VPS36: variants seen among roughly 807,000 people sequenced by gnomAD.
VPS36 encodes vacuolar protein-sorting-associated protein 36.
Under a neutral mutation model 63.5 loss-of-function variants are expected in VPS36, and 31 were observed. The observed-to-expected ratio is 0.49, with a 90% CI of 0.37 to 0.66. The LOEUF (loss-of-function observed/expected upper bound fraction) is 0.66. VPS36 is among the 30% of genes least tolerant of loss of function. VPS36 has a pLI of 0.00. For missense variants in VPS36, 338 were observed against 463.7 expected, an observed-to-expected ratio of 0.73 and a Z score of 2.49; for synonymous variants, 138 against 157.2, an observed-to-expected ratio of 0.88 and a Z score of 0.91.
chr13:52,432,330 G>A (rs1381029772), intron 6 of VPS36, among the ~76,000 whole-genome samples: 2 of 151,966 alleles, frequency 1.3e-5, no homozygotes, highest in African/African-American at 2.4e-5. Flanking sequence ...CAGCCTGGGC[G>A]ACAGAGCAAG....
intron 1 of VPS36, among the ~76,000 whole-genome samples, chr13:52,444,448 A>C (rs1337966468): frequency 6.7e-6 from 1 of 150,180 alleles, no homozygotes. Flanking sequence ...TGACAGAGCA[A>C]GACTCCGTTT....
Position 52,416,099 on chromosome 13 carries a change from A to G in VPS36, c.991-6T>C. The stretch of plus-strand genomic sequence containing the variant: ...AGGGATCCCTTTTCTGAAACCTAAT[A>G]GAAACACACAGCAGAAAAAAAATGT... On this transcript the variant is annotated splice_polypyrimidine_tract_variant and splice_region_variant and intron_variant, in intron 12 of 13. Transcript: ENST00000378060. The G allele has an allele frequency of 1.2e-6, 2 of 1,611,328 alleles. No homozygotes were observed. The highest frequency in any genetic ancestry group is 1.7e-6 in the Non-Finnish European group (2 of 1,179,200).
intron 5 of VPS36, 95 bp downstream of exon 5, chr13:52,434,698 T>C: frequency 8.2e-7 from 1 of 1,215,010 alleles, no homozygotes; most frequent in Non-Finnish European, 1.2e-6. Flanking sequence ...CAGTATTTTG[T>C]TTTGGGCAAG....
Position 52,413,557 on chromosome 13 carries a change from A to G in VPS36, c.*2273T>C, listed in dbSNP as rs1957966218. On this transcript the variant is annotated 3_prime_UTR_variant, in exon 14 of 14. Coordinates refer to ENST00000378060, the MANE Select transcript of VPS36 (RefSeq NM_016075.4). Reference sequence around the variant, plus strand: ...TTTTACTCTATATACATTGATACCAATCATTTAACCCTGAAAACACAGTCT... The same window carrying G: ...TTTTACTCTATATACATTGATACCAGTCATTTAACCCTGAAAACACAGTCT... The G allele has an allele frequency of 6.6e-6, 1 of 152,238 alleles. No individual in the cohort carries two copies. Among genetic ancestry groups the G allele is most frequent in the African/African-American group, 2.4e-5 (1 of 41,466 alleles). The allele number at this position is 152,238 out of a possible 1,614,324, so 9.4% of individuals were successfully genotyped here.
intron 6 of VPS36, among the ~76,000 whole-genome samples, chr13:52,431,782 AG>A (rs769901655): frequency 8.8e-5 from 13 of 147,888 alleles, no homozygotes; most frequent in South Asian, 4.4e-4. Context: ...AAAAAAAAAA[AG>A]AAAGAAAGAA....
chr13:52,442,404 T>C lies in VPS36; in HGVS notation c.138A>G (p.Arg46=). The change falls in exon 2 of 14, where the codon CGA becomes CGG. Residue 46 remains arginine (R), a synonymous_variant. Coordinates refer to ENST00000378060, the MANE Select transcript of VPS36 (RefSeq NM_016075.4). ...GATTTTTCTGATCTCTCCAAATCAG[T>C]CGGTGTGTACTAAGAAGGAGAGTCC... ...DAGTLLLSTH[R]LIWRDQKNHE... is the part of the protein sequence containing the mutation. 1 of 1,612,462 alleles carries C rather than the reference T, an allele frequency of 6.2e-7. No homozygotes were observed. Among genetic ancestry groups the C allele is most frequent in the East Asian group, 2.2e-5 (1 of 44,844 alleles).
At chr13:52,437,534 A>T (rs1958231397) in intron 3 of VPS36, among the ~76,000 whole-genome samples, 1 of 152,216 alleles carries the variant, frequency 6.6e-6, no homozygotes, top group African/African-American at 2.4e-5. Flanking sequence ...GTATAATCGA[A>T]AAAAGTTTAA....
intron 6 of VPS36, 107 bp from the exon 7 acceptor site, chr13:52,427,326 C>A: frequency 8.0e-7 from 1 of 1,244,026 alleles, no homozygotes. Context: ...AAATTTTCAG[C>A]CGGGCGCAGT....
chr13:52,412,960 A>G lies in VPS36; in HGVS notation c.*2870T>C, dbSNP rs968009253. 6.5e-6 allele frequency: 1 copy of G among 152,676 alleles called. No individual in the cohort carries two copies. Among genetic ancestry groups the G allele is most frequent in the Non-Finnish European group, 1.5e-5 (1 of 68,048 alleles). The allele number at this position is 152,676 out of a possible 1,614,324, so 9.5% of individuals were successfully genotyped here. On this transcript the variant is annotated 3_prime_UTR_variant, in exon 14 of 14. Coordinates refer to ENST00000378060, the MANE Select transcript of VPS36 (RefSeq NM_016075.4). ...TATTTTTGTACTTAATATAAGCATA[A>G]TATATTCATACCTACATATCACTCC...
chr13:52,426,857 A>T, intron 8 of VPS36, 132 bp downstream of exon 8: 2 of 613,022 alleles, frequency 3.3e-6, no homozygotes, highest in Non-Finnish European at 5.2e-6. Context: ...TCCGTCTCAT[A>T]AATAAATAAA....
Position 52,427,068 on chromosome 13 carries a change from T to C in VPS36, c.562-2A>G, listed in dbSNP as rs1300497445. ...TGATAATTCCACCATTTCCTTAGCC[T>C]GTCAAATAAAAAGTAAAGACTGAAA... On this transcript the variant is annotated splice_acceptor_variant, in intron 7 of 13. Coordinates refer to ENST00000378060, the MANE Select transcript of VPS36 (RefSeq NM_016075.4). LOFTEE classifies it high-confidence loss of function. The C allele has an allele frequency of 1.2e-6, 2 of 1,609,928 alleles. No individual in the cohort carries two copies. The highest frequency in any genetic ancestry group is 2.7e-5 in the African/African-American group (2 of 74,718).
Position 52,417,132 on chromosome 13 carries a change from C to T in VPS36, c.915G>A (p.Val305=), listed in dbSNP as rs748533005. 2 of 1,614,008 alleles carry T rather than the reference C, an allele frequency of 1.2e-6. No individual in the cohort carries two copies. The highest frequency in any genetic ancestry group is 1.7e-5 in the Admixed American group (1 of 60,006). ...EALKLPLRLR[V]FDSGVMVIEL... Reference sequence around the variant, plus strand: ...CAATTACCATGACGCCACTGTCAAACACACGGAGCCTGAAAACCACAGGTG... The same window carrying T: ...CAATTACCATGACGCCACTGTCAAATACACGGAGCCTGAAAACCACAGGTG... The change falls in exon 12 of 14, where the codon GTG becomes GTA. Residue 305 remains valine, a synonymous_variant. Coordinates refer to ENST00000378060, the MANE Select transcript of VPS36 (RefSeq NM_016075.4).
In VPS36 at chr13:52,426,070, T is replaced by A; in HGVS notation, c.640-4A>T. On this transcript the variant is annotated splice_region_variant and splice_polypyrimidine_tract_variant and intron_variant, in intron 8 of 13. Transcript: ENST00000378060. Reference sequence around the variant, plus strand: ...AGTAGGATTTAAACCTGATGGTCTATAATAAAAAAGGAGAAAATGCAGAAT... The same window carrying A: ...AGTAGGATTTAAACCTGATGGTCTAAAATAAAAAAGGAGAAAATGCAGAAT... 3 of 1,606,614 alleles carry A rather than the reference T, an allele frequency of 1.9e-6. No homozygotes were observed. The highest frequency in any genetic ancestry group is 2.5e-6 in the Non-Finnish European group (3 of 1,178,204).
At chr13:52,441,543 G>C (rs1958276667) in intron 2 of VPS36, among the ~76,000 whole-genome samples, 1 of 152,164 alleles carries the variant, frequency 6.6e-6, no homozygotes, top group African/African-American at 2.4e-5. Context: ...ACGAGGTCAG[G>C]AGTTAGAGAC....
At chr13:52,437,837 G>T (rs1370364212) in intron 3 of VPS36, among the ~76,000 whole-genome samples, 3 of 152,050 alleles carry the variant, frequency 2.0e-5, no homozygotes, top group Non-Finnish European at 4.4e-5. Flanking sequence ...GGCTGAGGCA[G>T]GAGAATGGCG....
chr13:52,426,127 C>T, intron 8 of VPS36, 61 bp from the exon 9 acceptor site: 1 of 1,584,972 alleles, frequency 6.3e-7, no homozygotes, highest in Non-Finnish European at 8.6e-7. Flanking sequence ...TGAAATTCTT[C>T]CATCACAAAT....
At position 52,442,399 on chromosome 13, in the gene VPS36, A is replaced by G. The variant is rs1233000698; in HGVS notation, c.143T>C (p.Ile48Thr). 5.0e-6 allele frequency: 8 copies of G among 1,611,964 alleles called. No individual in the cohort carries two copies. The highest frequency in any genetic ancestry group is 6.8e-6 in the Non-Finnish European group (8 of 1,179,510). The change falls in exon 2 of 14, where the codon ATT (isoleucine) becomes ACT (threonine). Residue 48 changes from isoleucine to threonine, a missense_variant. Transcript: ENST00000378060. ...GTLLLSTHRL[I>T]WRDQKNHECC... ...TACATGATTTTTCTGATCTCTCCAA[A>G]TCAGTCGGTGTGTACTAAGAAGGAG...
chr13:52,441,730 C>T lies in VPS36; in HGVS notation c.165+647G>A, dbSNP rs138668427. 8.9e-3 allele frequency among the ~76,000 whole-genome samples: 1,350 copies of T among 151,380 alleles called. 17 individuals carry two copies. Among genetic ancestry groups the T allele is most frequent in the African/African-American group, 0.031 (1,290 of 41,190 alleles). On this transcript the variant is annotated intron_variant, in intron 2 of 13. Transcript: ENST00000378060. ...TTGCGCCACTGCACTCCAGCCTGGGCGAAAGAGCGAGACTCCATCTCAAAA... is the reference window on the plus strand; with the variant it reads ...TTGCGCCACTGCACTCCAGCCTGGGTGAAAGAGCGAGACTCCATCTCAAAA...
At chr13:52,439,255 G>A in intron 2 of VPS36, 87 bp from the exon 3 acceptor site, 1 of 990,396 alleles carries the variant, frequency 1.0e-6, no homozygotes, top group East Asian at 2.5e-5. Context: ...GCATTACAGT[G>A]CCATATGCCT....
Sources: gnomAD v4.1 joint callset for allele counts (sites outside exome capture counted in the v4.1 genomes callset) on GRCh38, gnomAD v4.1.1 for gene constraint, MANE v1.5 for transcripts, NCBI Gene and HGNC (gene_info 2026-07-23, HGNC 2026-07-21) for gene names.